Variants in SLC35F3 observed in about 807,000 individuals in gnomAD.
SLC35F3 encodes putative thiamine transporter SLC35F3.
Under a neutral mutation model 49.9 loss-of-function variants are expected in SLC35F3, and 25 were observed. The observed-to-expected ratio is 0.50, with a 90% CI of 0.37 to 0.70. The LOEUF is 0.70. Ranked by LOEUF, SLC35F3 falls within the 30% of genes least tolerant of loss-of-function variation. SLC35F3 has a pLI of 0.00. For synonymous variants in SLC35F3, 275 were observed against 265.4 expected (o/e 1.04, Z -0.35); for missense variants, 525 against 639.8 (o/e 0.82, Z 1.94).
chr1:233,917,467 G>A (rs1019730671), intron 2 of SLC35F3, among the ~76,000 whole-genome samples: 8 of 151,652 alleles, frequency 5.3e-5, no homozygotes, highest in African/African-American at 9.7e-5. Flanking sequence ...ATGAAATCAC[G>A]CAACAATGAA....
intron 3 of SLC35F3, among the ~76,000 whole-genome samples, chr1:234,281,411 A>G (rs539599978): frequency 6.6e-6 from 1 of 152,266 alleles, no homozygotes; most frequent in African/African-American, 2.4e-5. Context: ...GTGCCTCCTT[A>G]TGGCAGCCCA....
At chr1:233,911,713 C>T (rs562517205) in intron 2 of SLC35F3, among the ~76,000 whole-genome samples, 1 of 152,192 alleles carries the variant, frequency 6.6e-6, no homozygotes, top group Admixed American at 6.5e-5. Context: ...TTACTATGTG[C>T]CAGAATACAG....
intron 3 of SLC35F3, among the ~76,000 whole-genome samples, chr1:234,295,623 T>G (rs1210934051): frequency 6.6e-6 from 1 of 152,236 alleles, no homozygotes; most frequent in African/African-American, 2.4e-5. Flanking sequence ...AAATGTGGTG[T>G]GGGGGTACAA....
At position 234,094,895 on chromosome 1, in the gene SLC35F3, A is replaced by G. The variant is rs77332871; in HGVS notation, c.284-136522A>G. Among the ~76,000 whole-genome samples, 796 of 152,300 alleles carry G rather than the reference A, an allele frequency of 5.2e-3. 8 individuals are homozygous for G. Among genetic ancestry groups the G allele is most frequent in the African/African-American group, 0.018 (755 of 41,560 alleles). ...AGTACATGGGTAGACATGTGCACAC[A>G]TACACATAACAAGGAAGGAAATTGC... is the stretch of plus-strand genomic sequence containing the variant. On this transcript the variant is annotated intron_variant, in intron 2 of 7. Coordinates refer to ENST00000366618, the MANE Select transcript of SLC35F3 (RefSeq NM_173508.4).
At chr1:234,225,131 T>C (rs899547042) in intron 2 of SLC35F3, among the ~76,000 whole-genome samples, 2 of 152,208 alleles carry the variant, frequency 1.3e-5, no homozygotes, top group Non-Finnish European at 2.9e-5. Context: ...TTGGGACGTT[T>C]GGGGCATGTA....
chr1:234,144,190 C>T (rs1665963357), intron 2 of SLC35F3, among the ~76,000 whole-genome samples: 1 of 152,192 alleles, frequency 6.6e-6, no homozygotes, highest in African/African-American at 2.4e-5. Flanking sequence ...ATACCTCTCC[C>T]AGTGCTTCTC....
At chr1:233,963,538 T>C (rs1662842146) in intron 2 of SLC35F3, among the ~76,000 whole-genome samples, 1 of 152,090 alleles carries the variant, frequency 6.6e-6, no homozygotes, top group South Asian at 2.1e-4. Context: ...CCTGATCTCG[T>C]GATCTGCCCA....
At chr1:234,184,053 TA>T (rs564460880) in intron 2 of SLC35F3, among the ~76,000 whole-genome samples, 1 of 152,264 alleles carries the variant, frequency 6.6e-6, no homozygotes, top group South Asian at 2.1e-4. Context: ...GGCTATGTGT[TA>T]GATGTATTGA....
intron 2 of SLC35F3, among the ~76,000 whole-genome samples, chr1:234,065,904 G>C (rs965958971): frequency 1.3e-5 from 2 of 152,194 alleles, no homozygotes; most frequent in Non-Finnish European, 2.9e-5. Context: ...ATGAGGTCCA[G>C]AAATTTCAGT....
At chr1:234,077,192 G>A (rs893921052) in intron 2 of SLC35F3, among the ~76,000 whole-genome samples, 1 of 151,338 alleles carries the variant, frequency 6.6e-6, no homozygotes, top group South Asian at 2.1e-4. Context: ...TTTTAGTAGA[G>A]ACGGGGTTTC....
At chr1:234,172,972 A>T (rs1291176632) in intron 2 of SLC35F3, among the ~76,000 whole-genome samples, 1 of 152,194 alleles carries the variant, frequency 6.6e-6, no homozygotes, top group Non-Finnish European at 1.5e-5. Flanking sequence ...TGGTAACATC[A>T]TCCCTGACCT....
chr1:234,207,577 A>G lies in SLC35F3; in HGVS notation c.284-23840A>G, dbSNP rs377444330. On this transcript the variant is annotated intron_variant, in intron 2 of 7. Transcript: ENST00000366618. ...TAATTTCATATACCCCAAATTTTAA[A>G]GGCTAACAAGACCTAGGAGATTACC... Among the ~76,000 whole-genome samples the G allele has an allele frequency of 1.1e-3, 164 of 151,388 alleles. 1 individual carries two copies. Among genetic ancestry groups the G allele is most frequent in the African/African-American group, 3.8e-3 (155 of 41,214 alleles).
intron 3 of SLC35F3, chr1:234,272,475 A>C (rs1007860942): frequency 6.6e-6 from 1 of 152,120 alleles, no homozygotes; most frequent in African/African-American, 2.4e-5. Context: ...AATTGTTCTG[A>C]GATAGGGTGG....
chr1:233,953,626 C>T (rs775270607), intron 2 of SLC35F3, among the ~76,000 whole-genome samples: 1 of 152,224 alleles, frequency 6.6e-6, no homozygotes, highest in Non-Finnish European at 1.5e-5. Flanking sequence ...TGGCTGATGG[C>T]ATCTGTTTAG....
chr1:234,206,450 C>G (rs902758223), intron 2 of SLC35F3, among the ~76,000 whole-genome samples: 1 of 137,588 alleles, frequency 7.3e-6, no homozygotes, highest in Non-Finnish European at 1.5e-5. Context: ...GCAGGACTTT[C>G]CTGGTTCCTG....
chr1:234,236,791 G>A (rs1277394924), intron 3 of SLC35F3, among the ~76,000 whole-genome samples: 2 of 151,886 alleles, frequency 1.3e-5, no homozygotes, highest in Non-Finnish European at 2.9e-5. Flanking sequence ...GGACAAGGCT[G>A]GAGGTCAATC....
chr1:234,169,957 C>T (rs945659887), intron 2 of SLC35F3, among the ~76,000 whole-genome samples: 5 of 152,246 alleles, frequency 3.3e-5, no homozygotes, highest in East Asian at 1.9e-4. Context: ...TTAGTGGAGA[C>T]GGGGTTTCAC....
chr1:234,266,603 T>C lies in SLC35F3; in HGVS notation c.608+34862T>C, dbSNP rs539448385. Reference sequence around the variant, plus strand: ...TAGGGATTTCGTTGTTGTGTGAACATCATATAGTGTACTTACACAAGCCTC... The same window carrying C: ...TAGGGATTTCGTTGTTGTGTGAACACCATATAGTGTACTTACACAAGCCTC... On this transcript the variant is annotated intron_variant, in intron 3 of 7. Transcript: ENST00000366618. Among the ~76,000 whole-genome samples, 8 of 152,334 alleles carry C rather than the reference T, an allele frequency of 5.3e-5. No individual in the cohort carries two copies. In the South Asian group the frequency reaches 8.3e-4, roughly 16 times the overall value.
chr1:233,908,272 C>T (rs558824400), intron 2 of SLC35F3, among the ~76,000 whole-genome samples: 1 of 151,940 alleles, frequency 6.6e-6, no homozygotes, highest in Non-Finnish European at 1.5e-5. Flanking sequence ...TTTCAGTCAT[C>T]TTTCAAAGTG....
Sources: gnomAD v4.1 joint callset for allele counts (sites outside exome capture counted in the v4.1 genomes callset) on GRCh38, gnomAD v4.1.1 for gene constraint, MANE v1.5 for transcripts, NCBI Gene and HGNC (gene_info 2026-07-23, HGNC 2026-07-21) for gene names.